SGCD: variants seen among roughly 807,000 people sequenced by gnomAD.
SGCD encodes sarcoglycan delta.
A neutral mutation model predicts 36.6 loss-of-function variants in SGCD; 18 were observed. The observed-to-expected ratio is 0.49, with a 90% CI of 0.34 to 0.73. The LOEUF (loss-of-function observed/expected upper bound fraction) is 0.73. SGCD is among the 30% of genes least tolerant of loss of function. SGCD has a pLI of 0.01. For missense variants in SGCD, 387 were observed against 346.7 expected (o/e 1.12, Z -0.92); for synonymous variants, 133 against 130.6 (o/e 1.02, Z -0.12).
intron 3 of SGCD, among the ~76,000 whole-genome samples, chr5:156,181,755 G>T (rs532615473): frequency 5.3e-5 from 8 of 152,284 alleles, no homozygotes; most frequent in Non-Finnish European, 8.8e-5. Context: ...AACCATTACA[G>T]CAAGTCAATG....
chr5:156,649,861 TAATA>T (rs950139360), intron 7 of SGCD, among the ~76,000 whole-genome samples: 5 of 151,960 alleles, frequency 3.3e-5, no homozygotes, highest in African/African-American at 1.2e-4. Flanking sequence ...TGAAGTATAA[TAATA>T]ATTTTTTTTT....
chr5:155,933,594 A>T (rs958051194), intron 1 of SGCD, among the ~76,000 whole-genome samples: 2 of 152,206 alleles, frequency 1.3e-5, no homozygotes, highest in African/African-American at 4.8e-5. Context: ...CATAGTGGCC[A>T]AGTGCATAGG....
At chr5:156,341,672 AC>A (rs1768658848) in intron 2 of SGCD, among the ~76,000 whole-genome samples, 1 of 152,132 alleles carries the variant, frequency 6.6e-6, no homozygotes, top group Non-Finnish European at 1.5e-5. Flanking sequence ...TGTGATTGTT[AC>A]TTAACCTGAG....
At chr5:156,292,305 C>G (rs1766778597) in intron 3 of SGCD, among the ~76,000 whole-genome samples, 2 of 152,132 alleles carry the variant, frequency 1.3e-5, no homozygotes, top group Admixed American at 1.3e-4. Context: ...GCCCTGGCAA[C>G]CATCATTCTA....
intron 3 of SGCD, among the ~76,000 whole-genome samples, chr5:156,351,356 C>A (rs778429192): frequency 6.6e-6 from 1 of 151,950 alleles, no homozygotes; most frequent in Admixed American, 6.6e-5. Flanking sequence ...CATGAGAGAC[C>A]CTTCATGACA....
intron 4 of SGCD, among the ~76,000 whole-genome samples, chr5:156,559,258 A>G (rs987153309): frequency 4.6e-5 from 7 of 152,122 alleles, no homozygotes; most frequent in African/African-American, 1.7e-4. Flanking sequence ...TCATGAAGAC[A>G]TCCAACTTGG....
intron 3 of SGCD, among the ~76,000 whole-genome samples, chr5:156,226,386 G>A (rs1000496314): frequency 2.6e-5 from 4 of 152,030 alleles, no homozygotes; most frequent in South Asian, 2.1e-4. Context: ...AGGTCACTGC[G>A]ACTGCCATTA....
At chr5:156,399,091 GATCT>G (rs1343858854) in intron 3 of SGCD, among the ~76,000 whole-genome samples, 1 of 152,134 alleles carries the variant, frequency 6.6e-6, no homozygotes, top group African/African-American at 2.4e-5. Flanking sequence ...TGTAATAGTT[GATCT>G]ATTAATATTA....
At chr5:155,741,802 C>G in the SGCD span, among the ~76,000 whole-genome samples, 1 of 151,154 alleles carries the variant, frequency 6.6e-6, no homozygotes, top group African/African-American at 2.4e-5. Context: ...AAGCAATTCT[C>G]ATGCCTCAGC....
chr5:155,945,760 C>T (rs550816848), intron 1 of SGCD, among the ~76,000 whole-genome samples: 4 of 152,214 alleles, frequency 2.6e-5, no homozygotes, highest in South Asian at 4.1e-4. Flanking sequence ...GCTGGAGAAG[C>T]GGCCAGGGAC....
chr5:155,905,856 C>T (rs951324329), intron 1 of SGCD, among the ~76,000 whole-genome samples: 4 of 152,118 alleles, frequency 2.6e-5, no homozygotes, highest in Admixed American at 1.3e-4. Context: ...GATTCTGAGG[C>T]CTCCCCAGCC....
chr5:156,162,920 T>C (rs1763118845), intron 3 of SGCD, among the ~76,000 whole-genome samples: 1 of 151,550 alleles, frequency 6.6e-6, no homozygotes, highest in Non-Finnish European at 1.5e-5. Flanking sequence ...AAGGCAGCCA[T>C]TTATCTTCAT....
In SGCD at chr5:156,096,578, A is replaced by G. The variant is rs76564045; in HGVS notation, c.-281-21300A>G. Among the ~76,000 whole-genome samples, 19 of 152,272 alleles carry G rather than the reference A, an allele frequency of 1.2e-4. No homozygotes were observed. In the East Asian group the frequency reaches 3.7e-3, roughly 29 times the overall value. ...AATCCTTGGCCCAATCAGGTTGTAAATCAACTGCAGCCGTCAGGTAATCTC... is the reference window on the plus strand; with the variant it reads ...AATCCTTGGCCCAATCAGGTTGTAAGTCAACTGCAGCCGTCAGGTAATCTC... On this transcript the variant is annotated intron_variant, in intron 1 of 9. Transcript: ENST00000517913.
At chr5:156,075,967 T>C (rs1438568020) in intron 1 of SGCD, among the ~76,000 whole-genome samples, 1 of 152,160 alleles carries the variant, frequency 6.6e-6, no homozygotes, top group Admixed American at 6.5e-5. Context: ...AAACTAATCT[T>C]TTTTATTACT....
At position 156,674,786 on chromosome 5, in the gene SGCD, T is replaced by C. The variant is rs374061650; in HGVS notation, c.575+27250T>C. On this transcript the variant is annotated intron_variant, in intron 7 of 8. Transcript: ENST00000337851. ...TGAAGGACAGAATCTGTGACCAGCA[T>C]CGACTCCTTTTTGTGCCTTATACTA... Among the ~76,000 whole-genome samples the C allele has an allele frequency of 1.8e-4, 28 of 152,324 alleles. No homozygotes were observed. In the South Asian group the frequency reaches 5.8e-3, roughly 32 times the overall value.
rs67339181 is a variant in SGCD, at chr5:156,558,088, A to AATATATATAT, written c.295-31116_295-31107dup. On this transcript the variant is annotated intron_variant, in intron 4 of 8. Coordinates refer to ENST00000337851, the MANE Select transcript of SGCD (RefSeq NM_000337.6). ...ACTGAGTGTGTTATTAGTAAATACA[A>AATATATATAT]ATATATATATATATATATATATATA... Among the ~76,000 whole-genome samples the AATATATATAT allele has an allele frequency of 4.4e-3, 424 of 95,512 alleles. 7 individuals are homozygous for AATATATATAT. Among genetic ancestry groups the AATATATATAT allele is most frequent in the African/African-American group, 0.013 (328 of 25,292 alleles). 62.7% of individuals were successfully genotyped at this position (95,512 alleles called of 152,430 possible). A position where few individuals can be genotyped will look rare whatever the true frequency, so the allele number is the denominator to read the frequency against.
At chr5:156,692,436 G>C (rs746459921) in intron 7 of SGCD, among the ~76,000 whole-genome samples, 24 of 152,186 alleles carry the variant, frequency 1.6e-4, no homozygotes, top group Non-Finnish European at 2.2e-4. Flanking sequence ...TTTTGCGCCA[G>C]CTGAAGATCT....
At chr5:156,116,029 A>G (rs1433534687) in intron 1 of SGCD, among the ~76,000 whole-genome samples, 2 of 152,092 alleles carry the variant, frequency 1.3e-5, no homozygotes, top group Non-Finnish European at 2.9e-5. Flanking sequence ...CTACTATTTT[A>G]TTAGGGGCTA....
At chr5:156,449,596 C>T (rs10052627) in intron 3 of SGCD, among the ~76,000 whole-genome samples, 4,618 of 144,926 alleles carry the variant, frequency 0.032, 222 homozygotes, top group African/African-American at 0.1. Flanking sequence ...CTTTGGGTGG[C>T]GGAAACGGGT....
Sources: gnomAD v4.1 joint callset for allele counts (sites outside exome capture counted in the v4.1 genomes callset) on GRCh38, gnomAD v4.1.1 for gene constraint, MANE v1.5 for transcripts, NCBI Gene and HGNC (gene_info 2026-07-23, HGNC 2026-07-21) for gene names.